The following PCYOX1 variants were observed in gnomAD, a reference collection of about 807,000 sequenced individuals.
The protein encoded by PCYOX1 is prenylcysteine oxidase 1, also known as prenylcysteine lyase.
Under a neutral mutation model 46.4 loss-of-function variants are expected in PCYOX1, and 46 were observed. The ratio of observed to expected loss-of-function variants is 0.99; its 90% CI spans 0.78 to 1.27. PCYOX1 has a LOEUF of 1.27. Ranked by LOEUF, PCYOX1 falls within the 50% of genes most tolerant of loss-of-function variation. PCYOX1 has a pLI of 0.00. For synonymous variants in PCYOX1, 220 were observed against 231.8 expected, an observed-to-expected ratio of 0.95 and a Z score of 0.46; for missense variants, 658 against 628.3, an observed-to-expected ratio of 1.05 and a Z score of -0.51.
chr2:70,276,099 A>G (rs1459388555), intron 5 of PCYOX1, among the ~76,000 whole-genome samples: 1 of 28,526 alleles, frequency 3.5e-5, no homozygotes, highest in African/African-American at 5.7e-5. Context: ...GACTCCATCT[A>G]AAAAAAAAAA....
intron 3 of PCYOX1, among the ~76,000 whole-genome samples, chr2:70,264,749 C>T (rs1234063494): frequency 6.6e-6 from 1 of 151,892 alleles, no homozygotes. Flanking sequence ...GGCGCGGTGG[C>T]ACACGCCTGT....
intron 3 of PCYOX1, among the ~76,000 whole-genome samples, chr2:70,263,913 C>T (rs1029764376): frequency 2.0e-5 from 3 of 149,934 alleles, no homozygotes; most frequent in Non-Finnish European, 4.4e-5. Context: ...CCTGTCTCGG[C>T]TTCCCAAAGT....
chr2:70,265,640 G>C (rs146941708), intron 3 of PCYOX1, among the ~76,000 whole-genome samples: 1 of 152,286 alleles, frequency 6.6e-6, no homozygotes, highest in African/African-American at 2.4e-5. Context: ...GCTACGCACA[G>C]TAACTAGAAT....
Position 70,277,296 on chromosome 2 carries a change from C to A in PCYOX1, c.1422C>A (p.Ala474=). 2 of 1,613,224 alleles carry A rather than the reference C, an allele frequency of 1.2e-6. No individual in the cohort carries two copies. Among genetic ancestry groups the A allele is most frequent in the Non-Finnish European group, 1.7e-6 (2 of 1,179,236 alleles). The change falls in exon 6 of 6, where the codon GCC becomes GCA. Residue 474 remains alanine (A), a synonymous_variant. Coordinates refer to ENST00000433351, the MANE Select transcript of PCYOX1 (RefSeq NM_016297.4). ...CCATGGAGATGAGTGCCATTGCAGCCCACAACGCTGCACTCCTTGCCTATC... is the reference window on the plus strand; with the variant it reads ...CCATGGAGATGAGTGCCATTGCAGCACACAACGCTGCACTCCTTGCCTATC... The part of the protein sequence containing the change: ...ASAMEMSAIA[A]HNAALLAYHR...
chr2:70,270,939 C>T (rs1696592859), intron 3 of PCYOX1, among the ~76,000 whole-genome samples: 2 of 152,206 alleles, frequency 1.3e-5, no homozygotes, highest in South Asian at 4.1e-4. Context: ...GTTGGTCAGG[C>T]TGGTCTCGAA....
chr2:70,274,434 G>A (rs1042647465), intron 3 of PCYOX1, among the ~76,000 whole-genome samples: 3 of 151,852 alleles, frequency 2.0e-5, no homozygotes, highest in South Asian at 4.1e-4. Flanking sequence ...CTGACCTAGT[G>A]ATCTGCCTGC....
intron 3 of PCYOX1, among the ~76,000 whole-genome samples, chr2:70,268,791 G>GAAA (rs762845553): frequency 9.2e-6 from 1 of 108,214 alleles, no homozygotes; most frequent in Admixed American, 1.0e-4. Flanking sequence ...CTCTGTCTCA[G>GAAA]AAAAAAAAAA....
intron 3 of PCYOX1, among the ~76,000 whole-genome samples, chr2:70,266,307 C>T (rs1370541767): frequency 1.3e-5 from 2 of 151,866 alleles, no homozygotes; most frequent in Admixed American, 6.6e-5. Context: ...AAGGGGTGTG[C>T]GTCCACGAGC....
chr2:70,258,877 G>C (rs1392379450), intron 1 of PCYOX1, among the ~76,000 whole-genome samples: 4 of 152,240 alleles, frequency 2.6e-5, no homozygotes, highest in Non-Finnish European at 5.9e-5. Context: ...AAGAGCTCCA[G>C]TGTCAGGAGC....
At chr2:70,259,125 G>C (rs1054443376) in intron 1 of PCYOX1, among the ~76,000 whole-genome samples, 1 of 151,870 alleles carries the variant, frequency 6.6e-6, no homozygotes, top group East Asian at 1.9e-4. Flanking sequence ...TGGGCATCTG[G>C]AAAAAAAATC....
rs1392449280 is a variant in PCYOX1 at position 70,259,508 on chromosome 2, A to C, written c.261A>C (p.Ala87=). 1.2e-6 allele frequency: 2 copies of C among 1,614,128 alleles called. No individual in the cohort carries two copies. Among genetic ancestry groups the C allele is most frequent in the Non-Finnish European group, 1.7e-6 (2 of 1,180,020 alleles). The change falls in exon 2 of 6, where the codon GCA becomes GCC. Residue 87 remains alanine (A), a synonymous_variant. Coordinates refer to ENST00000433351, the MANE Select transcript of PCYOX1 (RefSeq NM_016297.4). ...TMMVQGQEYE[A]GGSVIHPLNL... ...TGGTGCAGGGGCAAGAATACGAGGC[A>C]GGAGGTTCTGTCATCCATCCTTTAA...
At chr2:70,265,806 T>G (rs1696514499) in intron 3 of PCYOX1, among the ~76,000 whole-genome samples, 1 of 152,150 alleles carries the variant, frequency 6.6e-6, no homozygotes, top group Non-Finnish European at 1.5e-5. Context: ...TAACACTTCT[T>G]GATCTGAGAC....
In PCYOX1 at chr2:70,277,025, G is replaced by A. The variant is rs1163608245; in HGVS notation, c.1151G>A (p.Gly384Glu). 2.5e-6 allele frequency: 4 copies of A among 1,613,746 alleles called. No individual in the cohort carries two copies. The African/African-American group carries it at 5.3e-5, about 22-fold the overall frequency. ...DNSDLFINSI[G>E]IVPSVREKED... ...TCAGATTTGTTCATTAACAGTATTG[G>A]GATTGTGCCCTCTGTGAGAGAAAAG... The change falls in exon 6 of 6, where the codon GGG becomes GAG. Residue 384 changes from glycine (G) to glutamate (E), a missense_variant. Gly to Glu is a moderately conservative substitution (Grantham distance 98). Coordinates refer to ENST00000433351, the MANE Select transcript of PCYOX1 (RefSeq NM_016297.4).
chr2:70,277,444 A>C lies in PCYOX1; in HGVS notation c.*52A>C. ...AGTTCCAAATGACTATCAGTGGCAA[A>C]AAAGAACAAAATCTGAGCAGAGATG... is the stretch of plus-strand genomic sequence containing the variant. On this transcript the variant is annotated 3_prime_UTR_variant, in exon 6 of 6. Transcript: ENST00000433351. 1 of 1,391,760 alleles carries C rather than the reference A, an allele frequency of 7.2e-7. No homozygotes were observed. The highest frequency in any genetic ancestry group is 1.3e-5 in the South Asian group (1 of 74,280). 86.2% of individuals were successfully genotyped at this position (1,391,760 alleles called of 1,614,324 possible). A position where few individuals can be genotyped will look rare whatever the true frequency, so the allele number is the denominator to read the frequency against.
chr2:70,280,268 A>G lies in PCYOX1; in HGVS notation c.*2876A>G, dbSNP rs1241143856. On this transcript the variant is annotated 3_prime_UTR_variant, in exon 6 of 6. Transcript: ENST00000433351. ...TTTACTGGGAGAAAAATCCTAGCAG[A>G]ACCTGCTACTCTGGGCGCATTAGGT... The G allele has an allele frequency of 1.3e-5, 2 of 152,204 alleles. No homozygotes were observed. The highest frequency in any genetic ancestry group is 6.5e-5 in the Admixed American group (1 of 15,278). 9.4% of individuals were successfully genotyped at this position (152,204 alleles called of 1,614,324 possible).
chr2:70,272,983 C>G (rs1405822438), intron 3 of PCYOX1, among the ~76,000 whole-genome samples: 2 of 152,126 alleles, frequency 1.3e-5, no homozygotes, highest in African/African-American at 2.4e-5. Context: ...CAGGCATGAG[C>G]CACCATACCC....
chr2:70,258,357 C>A, intron 1 of PCYOX1, 81 bp downstream of exon 1: 2 of 877,216 alleles, frequency 2.3e-6, no homozygotes, highest in East Asian at 3.1e-5. Flanking sequence ...GCCCAGATCC[C>A]ACAGCCGCGA....
rs888818592 is a variant in PCYOX1 at position 70,276,894 on chromosome 2, T to C, written c.1020T>C (p.Tyr340=). ...CAATTGAGGAATTCCATCAATATTA[T>C]CAACATATAGTGACAACTTTAGTTA... ...DPPIEEFHQY[Y]QHIVTTLVKG... The change falls in exon 6 of 6, where the codon TAT becomes TAC. Residue 340 remains tyrosine (Y), a synonymous_variant. Coordinates refer to ENST00000433351, the MANE Select transcript of PCYOX1 (RefSeq NM_016297.4). The C allele has an allele frequency of 7.4e-6, 12 of 1,613,314 alleles. 1 individual carries two copies. The highest frequency in any genetic ancestry group is 2.2e-5 in the East Asian group (1 of 44,868).
Position 70,262,604 on chromosome 2 carries a change from C to T in PCYOX1, c.494+1218C>T, listed in dbSNP as rs111765411. ...AAGCGATTCTCCTGCCTCAGACTCCCGAATAGCTGGGATTACAGGTGCCTG... is the reference window on the plus strand; with the variant it reads ...AAGCGATTCTCCTGCCTCAGACTCCTGAATAGCTGGGATTACAGGTGCCTG... On this transcript the variant is annotated intron_variant, in intron 3 of 5. Coordinates refer to ENST00000433351, the MANE Select transcript of PCYOX1 (RefSeq NM_016297.4). Among the ~76,000 whole-genome samples the T allele has an allele frequency of 2.1e-3, 326 of 151,816 alleles. 2 individuals are homozygous for T. Among genetic ancestry groups the T allele is most frequent in the African/African-American group, 7.5e-3 (312 of 41,376 alleles).
Sources: allele counts gnomAD v4.1 joint callset (sites outside exome capture counted in the v4.1 genomes callset), GRCh38; gene constraint gnomAD v4.1.1; transcripts MANE v1.5; gene names NCBI Gene and HGNC (gene_info 2026-07-23, HGNC 2026-07-21).